Variants in PTGIS observed in about 807,000 individuals in gnomAD.
PTGIS encodes prostacyclin synthase.
In PTGIS, 45 loss-of-function variants were observed where a neutral mutation model predicts 50.3. The observed-to-expected ratio is 0.90, with a 90% confidence interval of 0.70 to 1.15. The LOEUF is 1.15. Among genes scored for constraint, PTGIS ranks in the 50% most tolerant of loss-of-function variants. The pLI is 0.00. For synonymous variants in PTGIS, 260 were observed against 267.7 expected (o/e 0.97, Z 0.28); for missense variants, 668 against 661.3 (o/e 1.01, Z -0.11).
At chr20:49,517,245 G>A (rs6090996) in intron 6 of PTGIS, among the ~76,000 whole-genome samples, 37,923 of 152,146 alleles carry the variant, frequency 0.25, 5,384 homozygotes, top group African/African-American at 0.39. Flanking sequence ...AGGCAAATGC[G>A]GATGATAAAT....
intron 8 of PTGIS, among the ~76,000 whole-genome samples, chr20:49,511,476 A>G (rs1222164173): frequency 6.6e-6 from 1 of 152,228 alleles, no homozygotes; most frequent in East Asian, 1.9e-4. Flanking sequence ...TGTTGTGTGT[A>G]TGCCTGTAAA....
chr20:49,542,929 C>A (rs993645257), intron 4 of PTGIS, among the ~76,000 whole-genome samples: 2 of 115,092 alleles, frequency 1.7e-5, no homozygotes, highest in African/African-American at 6.6e-5. Flanking sequence ...CGATTGTGAG[C>A]ATTAAAAGAG....
rs746504163 is a variant in PTGIS, at chr20:49,544,381, A to G, written c.445T>C (p.Leu149=). ...AMYTNLHAVL[L]GDATEAGSGW... is the part of the protein sequence containing the mutation. Reference sequence around the variant, plus strand: ...CTGCCTGCTTCTGTAGCATCGCCCAACAGCACTGCATGGAGGTTGGTATAC... The same window carrying G: ...CTGCCTGCTTCTGTAGCATCGCCCAGCAGCACTGCATGGAGGTTGGTATAC... Residue 149 remains leucine (L), a synonymous_variant, in exon 4 of 10, where the codon TTG becomes CTG. Transcript: ENST00000244043. 1.2e-6 allele frequency: 2 copies of G among 1,614,044 alleles called. No individual in the cohort carries two copies. Among genetic ancestry groups the G allele is most frequent in the Non-Finnish European group, 1.7e-6 (2 of 1,179,992 alleles).
Position 49,514,250 on chromosome 20 carries a change from A to G in PTGIS, c.1001T>C (p.Val334Ala). ...ACCAAGCACAGGTGTGCTGTCTAGA[A>G]CCTTCTGTGGGAGAGTGGTCGTCTG... ...VSQTTTLPQK[V>A]LDSTPVLDSV... is the part of the protein sequence containing the mutation. Residue 334 changes from valine to alanine, a missense_variant, in exon 7 of 10, where the codon GTT (valine) becomes GCT (alanine). Coordinates refer to ENST00000244043, the MANE Select transcript of PTGIS (RefSeq NM_000961.4). 1 of 1,613,822 alleles carries G rather than the reference A, an allele frequency of 6.2e-7. No homozygotes were observed. Among genetic ancestry groups the G allele is most frequent in the Non-Finnish European group, 8.5e-7 (1 of 1,179,974 alleles).
chr20:49,548,143 A>G, intron 2 of PTGIS, 124 bp from the exon 3 acceptor site: 1 of 907,898 alleles, frequency 1.1e-6, no homozygotes, highest in Non-Finnish European at 1.8e-6. Flanking sequence ...ATGTTCTCTT[A>G]TCTATGCCTC....
At chr20:49,509,245 C>A (rs2122833862) in intron 9 of PTGIS, among the ~76,000 whole-genome samples, 1 of 152,300 alleles carries the variant, frequency 6.6e-6, no homozygotes, top group East Asian at 1.9e-4. Context: ...TTGTGCCCAC[C>A]CCTGGATTTG....
Position 49,539,564 on chromosome 20 carries a change from G to A in PTGIS, c.673+6C>T. On this transcript the variant is annotated splice_donor_region_variant and intron_variant, in intron 5 of 9. Transcript: ENST00000244043. ...CCCCACCCACTGGGGCCCCCATGGT[G>A]CTTACCCACTGACAGGGAGCCACGG... The A allele has an allele frequency of 6.2e-7, 1 of 1,613,308 alleles. No homozygotes were observed. Among genetic ancestry groups the A allele is most frequent in the Non-Finnish European group, 8.5e-7 (1 of 1,179,782 alleles).
At chr20:49,532,348 A>G (rs1241641312) in intron 5 of PTGIS, among the ~76,000 whole-genome samples, 1 of 152,192 alleles carries the variant, frequency 6.6e-6, no homozygotes, top group Non-Finnish European at 1.5e-5. Flanking sequence ...TTTAGAGGGA[A>G]TGTGGTCAAA....
intron 3 of PTGIS, among the ~76,000 whole-genome samples, chr20:49,545,390 A>G (rs1227462129): frequency 6.6e-6 from 1 of 151,982 alleles, no homozygotes; most frequent in African/African-American, 2.4e-5. Context: ...ACTGCACTCC[A>G]GCCTAGGCAA....
chr20:49,514,487 A>G, intron 6 of PTGIS, 92 bp from the exon 7 acceptor site: 1 of 1,466,838 alleles, frequency 6.8e-7, no homozygotes, highest in Admixed American at 1.9e-5. Flanking sequence ...CAGAGGGGCC[A>G]GTAGGCCTGG....
rs192153116 is a variant in PTGIS at position 49,560,072 on chromosome 20, C to T, written c.74+7971G>A. On this transcript the variant is annotated intron_variant, in intron 1 of 9. Coordinates refer to ENST00000244043, the MANE Select transcript of PTGIS (RefSeq NM_000961.4). ...CCGAGTAGCTGGGATTACAGGCACC[C>T]GCCACCACGCCCGGCCAATTTTTTG... Among the ~76,000 whole-genome samples the T allele has an allele frequency of 3.2e-3, 480 of 151,876 alleles. 4 individuals carry two copies. Among genetic ancestry groups the T allele is most frequent in the African/African-American group, 0.011 (445 of 41,402 alleles).
chr20:49,562,833 T>A (rs1017060562), intron 1 of PTGIS, among the ~76,000 whole-genome samples: 5 of 152,182 alleles, frequency 3.3e-5, no homozygotes, highest in African/African-American at 1.2e-4. Flanking sequence ...GAGTCAAGGA[T>A]GGGATGTCAC....
chr20:49,522,509 T>A (rs998602516), intron 6 of PTGIS, among the ~76,000 whole-genome samples: 3 of 152,158 alleles, frequency 2.0e-5, no homozygotes, highest in South Asian at 2.1e-4. Flanking sequence ...GGATTTTTTT[T>A]AAGAGGTGGA....
chr20:49,511,012 C>T lies in PTGIS; in HGVS notation c.1358+16G>A. Reference sequence around the variant, plus strand: ...GATCAGGAGCCACCCTGGCCCTGCCCTGGCCCCCCACTCACTGTTTGATGC... The same window carrying T: ...GATCAGGAGCCACCCTGGCCCTGCCTTGGCCCCCCACTCACTGTTTGATGC... On this transcript the variant is annotated intron_variant, in intron 9 of 9. Transcript: ENST00000244043. 1 of 1,611,866 alleles carries T rather than the reference C, an allele frequency of 6.2e-7. No homozygotes were observed. Among genetic ancestry groups the T allele is most frequent in the Non-Finnish European group, 8.5e-7 (1 of 1,179,100 alleles).
At chr20:49,567,910 G>C in intron 1 of PTGIS, 133 bp downstream of exon 1, 2 of 812,954 alleles carry the variant, frequency 2.5e-6, no homozygotes, top group Non-Finnish European at 3.4e-6. Flanking sequence ...CCACCTCCGA[G>C]GGTCTCGCCT....
At position 49,540,552 on chromosome 20, in the gene PTGIS, C is replaced by A. The variant is rs1346367732; in HGVS notation, c.522-831G>T. 6.6e-6 allele frequency among the ~76,000 whole-genome samples: 1 copy of A among 152,070 alleles called. No homozygotes were observed. The highest frequency in any genetic ancestry group is 1.5e-5 in the Non-Finnish European group (1 of 67,998). ...CAGCAGTGAGAAGGTTGTGCTTGAT[C>A]TGAGGGGCTCTGGGAGGCCCGAGAA... On this transcript the variant is annotated intron_variant, in intron 4 of 9. Transcript: ENST00000244043. The surrounding 1 kb of genome is among the most constrained non-coding windows in gnomAD (Gnocchi z 4.8).
At chr20:49,533,502 T>C (rs997592745) in intron 5 of PTGIS, among the ~76,000 whole-genome samples, 4 of 152,042 alleles carry the variant, frequency 2.6e-5, no homozygotes, top group African/African-American at 7.3e-5. Context: ...TTTTAAAATA[T>C]ATTTATACTT....
chr20:49,563,127 C>T (rs899958995), intron 1 of PTGIS, among the ~76,000 whole-genome samples: 4 of 152,178 alleles, frequency 2.6e-5, no homozygotes, highest in Non-Finnish European at 4.4e-5. Flanking sequence ...CCTCTCTGTT[C>T]AATCATTTCA....
intron 6 of PTGIS, among the ~76,000 whole-genome samples, chr20:49,517,453 AGTGT>A (rs34021649): frequency 0.21 from 31,481 of 149,164 alleles, 3,428 homozygotes; most frequent in African/African-American, 0.28. Context: ...TGTGAGTGTG[AGTGT>A]GTGTGTGTGT....
Sources: allele counts gnomAD v4.1 joint callset (sites outside exome capture counted in the v4.1 genomes callset), GRCh38; gene constraint gnomAD v4.1.1; non-coding constraint Gnocchi (gnomAD v3.1); transcripts MANE v1.5; gene names NCBI Gene and HGNC (gene_info 2026-07-23, HGNC 2026-07-21).